The following ENPP3 variants were observed in gnomAD, a reference collection of about 807,000 sequenced individuals.
The protein encoded by ENPP3 is ectonucleotide pyrophosphatase/phosphodiesterase family member 3.
A neutral mutation model predicts 117.8 loss-of-function variants in ENPP3; 104 were observed. The ratio of observed to expected loss-of-function variants is 0.88; its 90% confidence interval spans 0.75 to 1.04. The LOEUF (loss-of-function observed/expected upper bound fraction) is 1.04. ENPP3 is among the 50% of genes least tolerant of loss of function. ENPP3 has a pLI of 0.00. For synonymous variants in ENPP3, 380 were observed against 349.9 expected (o/e 1.09, Z -0.96); for missense variants, 1,026 against 1,051.9 (o/e 0.98, Z 0.34).
chr6:131,677,384 T>A (rs1778892552), intron 10 of ENPP3, among the ~76,000 whole-genome samples: 1 of 152,108 alleles, frequency 6.6e-6, no homozygotes, highest in South Asian at 2.1e-4. Context: ...GGAGCAGAGC[T>A]GGGAGCAGGC....
intron 19 of ENPP3, among the ~76,000 whole-genome samples, chr6:131,724,928 G>T (rs1780120630): frequency 6.6e-6 from 1 of 152,014 alleles, no homozygotes; most frequent in South Asian, 2.1e-4. Flanking sequence ...GCAAAAAACA[G>T]CAGGGCATGG....
At chr6:131,732,801 G>A (rs1780314782) in intron 20 of ENPP3, among the ~76,000 whole-genome samples, 1 of 148,414 alleles carries the variant, frequency 6.7e-6, no homozygotes, top group African/African-American at 2.5e-5. Flanking sequence ...CAATGGCCCA[G>A]TCTCAGCTCA....
intron 15 of ENPP3, among the ~76,000 whole-genome samples, chr6:131,716,089 C>T (rs1055508574): frequency 9.9e-5 from 15 of 152,202 alleles, no homozygotes; most frequent in African/African-American, 3.6e-4. Context: ...TGTGTCATTA[C>T]CCAGCTGTGG....
chr6:131,723,524 C>T (rs1780080890), intron 18 of ENPP3, among the ~76,000 whole-genome samples: 1 of 152,174 alleles, frequency 6.6e-6, no homozygotes, highest in Non-Finnish European at 1.5e-5. Context: ...CTTGTTCTAT[C>T]TGGCTGCAAA....
chr6:131,688,198 G>A (rs1051210816), intron 14 of ENPP3, among the ~76,000 whole-genome samples: 1 of 152,096 alleles, frequency 6.6e-6, no homozygotes, highest in Non-Finnish European at 1.5e-5. Context: ...ATAGAAGATG[G>A]CAAACTTAAC....
At chr6:131,740,718 G>A (rs1346615740) in intron 24 of ENPP3, among the ~76,000 whole-genome samples, 1 of 151,852 alleles carries the variant, frequency 6.6e-6, no homozygotes, top group Non-Finnish European at 1.5e-5. Flanking sequence ...TATTTATGAG[G>A]ATAGTGAGAT....
At chr6:131,653,114 C>G (rs902460681) in intron 5 of ENPP3, among the ~76,000 whole-genome samples, 3 of 151,918 alleles carry the variant, frequency 2.0e-5, no homozygotes, top group Admixed American at 6.6e-5. Flanking sequence ...ATATTCATGT[C>G]TTACAACGAC....
intron 15 of ENPP3, among the ~76,000 whole-genome samples, chr6:131,717,467 C>A (rs1296117571): frequency 1.3e-5 from 2 of 148,518 alleles, no homozygotes; most frequent in Non-Finnish European, 3.0e-5. Flanking sequence ...TTAGGGCCAG[C>A]CTTTGGAAAT....
chr6:131,697,436 AG>A (rs1216476142), intron 15 of ENPP3, among the ~76,000 whole-genome samples: 18 of 60,374 alleles, frequency 3.0e-4, no homozygotes, highest in Non-Finnish European at 4.2e-4. Flanking sequence ...GGGGGCGGGA[AG>A]GGGGGGTGGT....
intron 5 of ENPP3, among the ~76,000 whole-genome samples, chr6:131,653,638 T>C (rs975842019): frequency 5.9e-5 from 9 of 152,178 alleles, no homozygotes; most frequent in Non-Finnish European, 1.2e-4. Flanking sequence ...TTGATCTTGA[T>C]CTCCTGGCCT....
chr6:131,721,132 T>G (rs896388485), intron 17 of ENPP3, among the ~76,000 whole-genome samples: 8 of 152,118 alleles, frequency 5.3e-5, no homozygotes, highest in African/African-American at 1.9e-4. Context: ...CCTTAAAGCA[T>G]TAGGATTTTA....
In ENPP3 at chr6:131,718,701, G is replaced by A. The variant is rs1365971370; in HGVS notation, c.1442G>A (p.Gly481Asp). The A allele has an allele frequency of 3.7e-6, 6 of 1,604,372 alleles. No individual in the cohort carries two copies. The highest frequency in any genetic ancestry group is 5.1e-6 in the Non-Finnish European group (6 of 1,173,416). The change falls in exon 16 of 25, where the codon GGC becomes GAC. Residue 481 changes from glycine to aspartate, a missense_variant. Coordinates refer to ENST00000357639, the MANE Select transcript of ENPP3 (RefSeq NM_005021.5). The part of the protein sequence containing the change: ...RSKSNTNCGG[G>D]NHGYNNEFRS... Reference sequence around the variant, plus strand: ...AAATCAAATACAAATTGTGGAGGAGGCAACCATGGTTATAACAATGAGTTT... The same window carrying A: ...AAATCAAATACAAATTGTGGAGGAGACAACCATGGTTATAACAATGAGTTT...
At chr6:131,694,562 T>C (rs539208328) in intron 15 of ENPP3, among the ~76,000 whole-genome samples, 1 of 152,080 alleles carries the variant, frequency 6.6e-6, no homozygotes, top group Admixed American at 6.6e-5. Flanking sequence ...CTAAGAGATA[T>C]GTTTGACAAA....
At chr6:131,685,642 G>C in intron 13 of ENPP3, 147 bp downstream of exon 13, 1 of 769,566 alleles carries the variant, frequency 1.3e-6, no homozygotes. Context: ...AAATTCCCAT[G>C]CTTAAGTACA....
chr6:131,653,808 T>TG (rs1778316740), intron 5 of ENPP3, among the ~76,000 whole-genome samples: 1 of 152,130 alleles, frequency 6.6e-6, no homozygotes, highest in African/African-American at 2.4e-5. Context: ...AGGAGGTCCT[T>TG]GAAGGGTGAA....
chr6:131,696,620 G>T (rs1192903694), intron 15 of ENPP3, among the ~76,000 whole-genome samples: 2 of 152,178 alleles, frequency 1.3e-5, no homozygotes, highest in Non-Finnish European at 2.9e-5. Flanking sequence ...AACAGGGGCT[G>T]CATTGGCAGG....
chr6:131,727,300 A>C (rs1313768221), intron 20 of ENPP3, among the ~76,000 whole-genome samples: 1 of 152,202 alleles, frequency 6.6e-6, no homozygotes, highest in Admixed American at 6.5e-5. Context: ...TTATGCCTGT[A>C]ATCCCAGCAC....
Position 131,736,250 on chromosome 6 carries a change from A to G in ENPP3, c.2090-1105A>G, listed in dbSNP as rs116290535. Among the ~76,000 whole-genome samples the G allele has an allele frequency of 9.8e-3, 1,493 of 152,314 alleles. 21 individuals carry two copies. Among genetic ancestry groups the G allele is most frequent in the African/African-American group, 0.034 (1,431 of 41,570 alleles). ...GCCCATGATTTGTGGTGTTCCCTTC[A>G]GCAGTCTCTATTAGTCAGTTCTCAT... On this transcript the variant is annotated intron_variant, in intron 21 of 24. Coordinates refer to ENST00000357639, the MANE Select transcript of ENPP3 (RefSeq NM_005021.5).
intron 20 of ENPP3, among the ~76,000 whole-genome samples, chr6:131,732,077 A>G (rs541928897): frequency 1.3e-5 from 2 of 152,336 alleles, no homozygotes; most frequent in East Asian, 3.9e-4. Context: ...AATTGAACTC[A>G]GAGGTTTCAG....
Sources: gnomAD v4.1 joint callset for allele counts (sites outside exome capture counted in the v4.1 genomes callset) on GRCh38, gnomAD v4.1.1 for gene constraint, MANE v1.5 for transcripts, NCBI Gene and HGNC (gene_info 2026-07-23, HGNC 2026-07-21) for gene names.